Variants in KCNH7 observed in about 807,000 individuals in gnomAD.
KCNH7 encodes the protein voltage-gated inwardly rectifying potassium channel KCNH7.
A neutral mutation model predicts 120.8 loss-of-function variants in KCNH7; 49 were observed. The observed-to-expected ratio is 0.41, with a 90% CI of 0.32 to 0.51. The LOEUF (loss-of-function observed/expected upper bound fraction) is 0.51, where lower values mean the gene tolerates loss of function less well. KCNH7 is among the 20% of genes least tolerant of loss of function. KCNH7 has a pLI of 0.38. For missense variants in KCNH7, 1,097 were observed against 1,446.6 expected, an observed-to-expected ratio of 0.76 and a Z score of 3.92; for synonymous variants, 547 against 516.1, an observed-to-expected ratio of 1.06 and a Z score of -0.81.
rs148211971 is a variant in KCNH7 at position 162,638,714 on chromosome 2, G to T, written c.308-101634C>A. Among the ~76,000 whole-genome samples, 476 of 152,146 alleles carry T rather than the reference G, an allele frequency of 3.1e-3. 1 individual carries two copies. Among genetic ancestry groups the T allele is most frequent in the African/African-American group, 0.011 (456 of 41,524 alleles). On this transcript the variant is annotated intron_variant, in intron 2 of 15. Coordinates refer to ENST00000332142, the MANE Select transcript of KCNH7 (RefSeq NM_033272.4). ...TCTGTGTGCAAACATTTACTCTCTG[G>T]CTGGTGACCCAACTCAGATCATTAA... is the stretch of plus-strand genomic sequence containing the variant.
intron 6 of KCNH7, among the ~76,000 whole-genome samples, chr2:162,455,273 C>G (rs1688922116): frequency 6.6e-6 from 1 of 152,138 alleles, no homozygotes; most frequent in South Asian, 2.1e-4. Flanking sequence ...CCTTGCGTCC[C>G]AGGGATGAAG....
At chr2:162,688,756 G>A (rs1003350023) in intron 2 of KCNH7, among the ~76,000 whole-genome samples, 2 of 133,124 alleles carry the variant, frequency 1.5e-5, no homozygotes, top group African/African-American at 2.8e-5. Flanking sequence ...TTCTTTTTTG[G>A]TCTCTGCTGT....
chr2:162,617,692 C>T (rs1470917874), intron 2 of KCNH7, among the ~76,000 whole-genome samples: 2 of 151,984 alleles, frequency 1.3e-5, no homozygotes, highest in African/African-American at 4.8e-5. Context: ...GTCTGGCAAC[C>T]GATATTAGTG....
At chr2:162,733,770 C>T (rs1429544379) in intron 2 of KCNH7, among the ~76,000 whole-genome samples, 1 of 152,176 alleles carries the variant, frequency 6.6e-6, no homozygotes, top group Admixed American at 6.5e-5. Context: ...ATCCAGTGAT[C>T]TGAACCTGAT....
intron 2 of KCNH7, among the ~76,000 whole-genome samples, chr2:162,836,102 A>G (rs549848693): frequency 6.6e-6 from 1 of 152,344 alleles, no homozygotes; most frequent in African/African-American, 2.4e-5. Flanking sequence ...GCCAAGAGAC[A>G]TAACTGTAAT....
At chr2:162,834,606 G>C (rs1685589029) in intron 2 of KCNH7, among the ~76,000 whole-genome samples, 1 of 151,898 alleles carries the variant, frequency 6.6e-6, no homozygotes, top group South Asian at 2.1e-4. Flanking sequence ...CAAATAGAAA[G>C]ATTTGTATTT....
intron 6 of KCNH7, among the ~76,000 whole-genome samples, chr2:162,470,120 G>A (rs1229084233): frequency 1.3e-5 from 2 of 152,132 alleles, no homozygotes; most frequent in Admixed American, 6.5e-5. Flanking sequence ...GCCTCTACCC[G>A]GCCGCCACCC....
At chr2:162,551,227 A>C (rs2105857726) in intron 2 of KCNH7, among the ~76,000 whole-genome samples, 1 of 152,302 alleles carries the variant, frequency 6.6e-6, no homozygotes, top group African/African-American at 2.4e-5. Context: ...TGGGCTTAAA[A>C]CATTTTTGAA....
intron 12 of KCNH7, 114 bp from the exon 13 acceptor site, chr2:162,385,053 A>C: frequency 1.3e-6 from 1 of 755,608 alleles, no homozygotes; most frequent in South Asian, 2.3e-5. Flanking sequence ...CCTATTGAAA[A>C]TGTAGCTACT....
intron 6 of KCNH7, among the ~76,000 whole-genome samples, chr2:162,488,179 T>A (rs528391041): frequency 3.3e-5 from 5 of 152,332 alleles, no homozygotes; most frequent in African/African-American, 1.2e-4. Flanking sequence ...TTCCAAGGTC[T>A]TAGTTGCCAA....
chr2:162,460,479 T>C (rs1408319075), intron 6 of KCNH7, among the ~76,000 whole-genome samples: 1 of 152,206 alleles, frequency 6.6e-6, no homozygotes, highest in Non-Finnish European at 1.5e-5. Context: ...TCCGCTTAGT[T>C]CATCAATGCC....
intron 2 of KCNH7, among the ~76,000 whole-genome samples, chr2:162,817,524 A>C (rs1287935205): frequency 3.9e-5 from 6 of 152,154 alleles, no homozygotes; most frequent in African/African-American, 1.2e-4. Flanking sequence ...AACCACTATA[A>C]ATATTTCATA....
At chr2:162,481,977 T>A (rs1425141847) in intron 6 of KCNH7, among the ~76,000 whole-genome samples, 1 of 149,586 alleles carries the variant, frequency 6.7e-6, no homozygotes, top group East Asian at 1.9e-4. Context: ...TCTATCTATC[T>A]ATCTATCTAT....
Position 162,536,906 on chromosome 2 carries a change from C to T in KCNH7, c.463+19G>A. On this transcript the variant is annotated intron_variant, in intron 3 of 15. Transcript: ENST00000332142. ...GCAGAATTATCAAGAGCATTGAGTACACATTGCCTTTTACTTACGGTTTAC... is the reference window on the plus strand; with the variant it reads ...GCAGAATTATCAAGAGCATTGAGTATACATTGCCTTTTACTTACGGTTTAC... 1 of 1,605,260 alleles carries T rather than the reference C, an allele frequency of 6.2e-7. No individual in the cohort carries two copies. The highest frequency in any genetic ancestry group is 8.5e-7 in the Non-Finnish European group (1 of 1,173,118).
intron 2 of KCNH7, among the ~76,000 whole-genome samples, chr2:162,756,925 A>G (rs1688806472): frequency 6.6e-6 from 1 of 152,178 alleles, no homozygotes; most frequent in Admixed American, 6.5e-5. Flanking sequence ...ACAAAATTTA[A>G]GTTAATAGGG....
At chr2:162,558,015 C>T (rs759778236) in intron 2 of KCNH7, among the ~76,000 whole-genome samples, 14 of 151,984 alleles carry the variant, frequency 9.2e-5, no homozygotes, top group Admixed American at 1.3e-4. Flanking sequence ...ATCTGTGTAC[C>T]GTGCAATTTC....
chr2:162,764,919 TA>T (rs1682726010), intron 2 of KCNH7, among the ~76,000 whole-genome samples: 1 of 152,194 alleles, frequency 6.6e-6, no homozygotes, highest in Admixed American at 6.5e-5. Flanking sequence ...CATAATTTTT[TA>T]AAGCTGTTAT....
At chr2:162,481,592 G>A (rs1467074005) in intron 6 of KCNH7, among the ~76,000 whole-genome samples, 2 of 152,110 alleles carry the variant, frequency 1.3e-5, no homozygotes, top group Non-Finnish European at 2.9e-5. Context: ...GTAAAAAAAC[G>A]AGAGAGCAAG....
In KCNH7 at chr2:162,507,578, C is replaced by G. The variant is rs79738932; in HGVS notation, c.914-2921G>C. Among the ~76,000 whole-genome samples the G allele has an allele frequency of 8.9e-3, 1,355 of 151,596 alleles. 11 individuals carry two copies. The highest frequency in any genetic ancestry group is 0.014 in the Non-Finnish European group (957 of 67,626). On this transcript the variant is annotated intron_variant, in intron 5 of 15. Transcript: ENST00000332142. ...TTCAATTTCTCATTACATAACAAAG[C>G]ATGTTTGCAGGATCTTTTCTAATGT...
Sources: allele counts gnomAD v4.1 joint callset (sites outside exome capture counted in the v4.1 genomes callset), GRCh38; gene constraint gnomAD v4.1.1; transcripts MANE v1.5; gene names NCBI Gene and HGNC (gene_info 2026-07-23, HGNC 2026-07-21).